The following GANAB variants were observed in gnomAD, a reference collection of about 807,000 sequenced individuals.
GANAB encodes the protein neutral alpha-glucosidase AB.
A neutral mutation model predicts 129.9 loss-of-function variants in GANAB; 35 were observed. That is an observed-to-expected ratio of 0.27 (90% CI 0.21 to 0.36). The LOEUF is 0.36. GANAB is among the 10% of genes least tolerant of loss of function. The pLI, the probability that GANAB is intolerant of heterozygous loss-of-function variation, is 1.00. For synonymous variants in GANAB, 482 were observed against 451.8 expected, an observed-to-expected ratio of 1.07 and a Z score of -0.85; for missense variants, 939 against 1,221.0, an observed-to-expected ratio of 0.77 and a Z score of 3.44.
Position 62,630,369 on chromosome 11 carries a change from G to C in GANAB, c.1513+10C>G, listed in dbSNP as rs373001087. On this transcript the variant is annotated intron_variant, in intron 12 of 23. Transcript: ENST00000356638. ...CCAATCAACTCTCCCTCAATTCTGG[G>C]TCTGCTTACCTGGCCAGCACCAGCC... The C allele has an allele frequency of 1.9e-6, 3 of 1,613,972 alleles. No homozygotes were observed. The African/African-American group carries it at 4.0e-5, about 22-fold the overall frequency.
At chr11:62,639,773 T>C in intron 1 of GANAB, 42 bp from the exon 2 acceptor site, 1 of 1,358,234 alleles carries the variant, frequency 7.4e-7, no homozygotes, top group Non-Finnish European at 1.1e-6. Context: ...AGCATGGAGG[T>C]CAGAAGGGGC....
chr11:62,629,885 T>C lies in GANAB; in HGVS notation c.1666A>G (p.Met556Val). ...CCATAATGCTGGGCATCCTTGAGCA[T>C]GGTGACCTCAGGACCATTGAACACA... ...PSVFNGPEVT[M>V]LKDAQHYGGW... The change falls in exon 14 of 24, where the codon ATG (methionine) becomes GTG (valine). Residue 556 changes from methionine (M) to valine (V), a missense_variant. Coordinates refer to ENST00000356638, the MANE Select transcript of GANAB (RefSeq NM_198334.3). 5.0e-6 allele frequency: 8 copies of C among 1,614,090 alleles called. No homozygotes were observed. The highest frequency in any genetic ancestry group is 6.8e-6 in the Non-Finnish European group (8 of 1,179,942).
At chr11:62,638,191 T>C (rs1042860534) in intron 4 of GANAB, among the ~76,000 whole-genome samples, 5 of 152,326 alleles carry the variant, frequency 3.3e-5, no homozygotes, top group Admixed American at 2.6e-4. Context: ...TCTCACTCTG[T>C]CGCCCAGGCT....
rs553639164 is a variant in GANAB, at chr11:62,639,060, G to A, written c.303C>T (p.Phe101=). ...GCCGAGGCTCCAGCTCATCAATCCT[G>A]AACCGAGTCATGTTCTTTTGAAGCC... ...LQGLQKNMTR[F]RIDELEPRRP... Residue 101 remains phenylalanine (F), a synonymous_variant, in exon 4 of 24, where the codon TTC becomes TTT. Coordinates refer to ENST00000356638, the MANE Select transcript of GANAB (RefSeq NM_198334.3). 5.6e-6 allele frequency: 9 copies of A among 1,614,012 alleles called. No individual in the cohort carries two copies. The African/African-American group carries it at 8.0e-5, about 14-fold the overall frequency.
intron 5 of GANAB, chr11:62,634,567 GAC>G (rs1943848583): frequency 9.7e-6 from 6 of 617,370 alleles, no homozygotes; most frequent in Non-Finnish European, 1.7e-5. Flanking sequence ...GGAAGAAGGA[GAC>G]ACAGACCCAG....
chr11:62,631,044 T>C lies in GANAB; in HGVS notation c.1136A>G (p.Tyr379Cys). 1 of 1,603,324 alleles carries C rather than the reference T, an allele frequency of 6.2e-7. No homozygotes were observed. Among genetic ancestry groups the C allele is most frequent in the Non-Finnish European group, 8.5e-7 (1 of 1,170,966 alleles). ...GPSISDVFRQ[Y>C]ASLTGTQALP... ...AAACCATGTACCTGTGAGACTAGCA[T>C]ATTGCCGGAAAACATCAGAGATGGA... is the stretch of plus-strand genomic sequence containing the variant. The change falls in exon 10 of 24, where the codon TAT becomes TGT. Residue 379 changes from tyrosine to cysteine, a missense_variant. Physicochemically the swap from Tyr to Cys is radical, Grantham distance 194 (BLOSUM62 -2). Around this residue, in one of 5 missense-constraint regions of GANAB, gnomAD observed 220 missense variants for 295.9 expected, o/e 0.74. Coordinates refer to ENST00000356638, the MANE Select transcript of GANAB (RefSeq NM_198334.3).
chr11:62,640,754 A>C (rs1944214458), intron 1 of GANAB, among the ~76,000 whole-genome samples: 1 of 143,544 alleles, frequency 7.0e-6, no homozygotes, highest in Admixed American at 7.6e-5. Flanking sequence ...AATGGTGTGA[A>C]CCTGGGAGGT....
Position 62,640,017 on chromosome 11 carries a change from C to T in GANAB, c.39-286G>A, listed in dbSNP as rs561650295. 40 of 324,188 alleles carry T rather than the reference C, an allele frequency of 1.2e-4. 1 individual carries two copies. Among genetic ancestry groups the T allele is most frequent in the Non-Finnish European group, 7.6e-5 (13 of 170,032 alleles). 20.1% of individuals were successfully genotyped at this position (324,188 alleles called of 1,614,324 possible). On this transcript the variant is annotated intron_variant, in intron 1 of 23. Coordinates refer to ENST00000356638, the MANE Select transcript of GANAB (RefSeq NM_198334.3). ...TTGGGAGGCTGCGGCGGGCGGATCACGAGGTCAGGAGATCAAGACCATCCT... is the reference window on the plus strand; with the variant it reads ...TTGGGAGGCTGCGGCGGGCGGATCATGAGGTCAGGAGATCAAGACCATCCT...
chr11:62,637,573 G>A (rs1944000852), intron 4 of GANAB, among the ~76,000 whole-genome samples: 1 of 152,140 alleles, frequency 6.6e-6, no homozygotes, highest in Admixed American at 6.6e-5. Flanking sequence ...TGTACAAGAA[G>A]GTTCGTAGCA....
Position 62,639,405 on chromosome 11 carries a change from A to G in GANAB, c.206T>C (p.Leu69Pro). Residue 69 changes from leucine to proline, a missense_variant, in exon 3 of 24, where the codon CTT (leucine) becomes CCT (proline). This residue lies in a region of GANAB where 321 missense variants were observed against 329.1 expected (regional missense o/e 0.98). Coordinates refer to ENST00000356638, the MANE Select transcript of GANAB (RefSeq NM_198334.3). ...ATGGACCGTGAGGGAATCAGGACCA[A>G]GCTGTAGAGAGTCCAGCAAGGCTCG... ...PYRALLDSLQLGPDSLTVHLI... is the reference protein window; with the variant it reads ...PYRALLDSLQPGPDSLTVHLI... The G allele has an allele frequency of 6.2e-7, 1 of 1,613,638 alleles. No individual in the cohort carries two copies. Among genetic ancestry groups the G allele is most frequent in the Non-Finnish European group, 8.5e-7 (1 of 1,179,672 alleles).
At chr11:62,638,643 G>C (rs138034183) in intron 4 of GANAB, among the ~76,000 whole-genome samples, 2,285 of 111,044 alleles carry the variant, frequency 0.021, 50 homozygotes, top group African/African-American at 0.065. Flanking sequence ...AGGAAGGAAG[G>C]AAGCAAGCAA....
At position 62,629,026 on chromosome 11, in the gene GANAB, G is replaced by A. The variant is rs776793799; in HGVS notation, c.1937-14C>T. 1 of 1,609,566 alleles carries A rather than the reference G, an allele frequency of 6.2e-7. No individual in the cohort carries two copies. The highest frequency in any genetic ancestry group is 1.1e-5 in the South Asian group (1 of 91,036). ...CACCCACATCCGCTGGTAGAGGAGA[G>A]AGAGGAAGCAGGTTGGAAAAGAGGG... On this transcript the variant is annotated splice_polypyrimidine_tract_variant and intron_variant, in intron 16 of 23. Coordinates refer to ENST00000356638, the MANE Select transcript of GANAB (RefSeq NM_198334.3).
Position 62,625,086 on chromosome 11 carries a change from A to G in GANAB, c.*729T>C. 1 of 382,674 alleles carries G rather than the reference A, an allele frequency of 2.6e-6. No individual in the cohort carries two copies. Among genetic ancestry groups the G allele is most frequent in the South Asian group, 2.0e-5 (1 of 51,146 alleles). 23.7% of individuals were successfully genotyped at this position (382,674 alleles called of 1,614,324 possible). On this transcript the variant is annotated 3_prime_UTR_variant, in exon 24 of 24. Transcript: ENST00000356638. ...ATTTCTCCATCTTAAGTGCCCCTCA[A>G]AGGGGACAAGAAGGGGGCAAAAGAA...
chr11:62,633,497 G>A lies in GANAB; in HGVS notation c.578C>T (p.Pro193Leu), dbSNP rs1943790788. The change falls in exon 6 of 24, where the codon CCA becomes CTA. Residue 193 changes from proline to leucine, a missense_variant. Around this residue, in one of 5 missense-constraint regions of GANAB, gnomAD observed 321 missense variants for 329.1 expected, o/e 0.98. Transcript: ENST00000356638. ...AGGCTGGGCCCCATCGCCCTCAGCTGGGTCTTTTGATCCTTGCCTGGAAGG... is the reference window on the plus strand; with the variant it reads ...AGGCTGGGCCCCATCGCCCTCAGCTAGGTCTTTTGATCCTTGCCTGGAAGG... ...APRVSQGSKDPAEGDGAQPEE... is the reference protein window; with the variant it reads ...APRVSQGSKDLAEGDGAQPEE... The A allele has an allele frequency of 6.2e-7, 1 of 1,613,790 alleles. No individual in the cohort carries two copies. Among genetic ancestry groups the A allele is most frequent in the African/African-American group, 1.3e-5 (1 of 74,894 alleles).
At chr11:62,639,338 C>T in intron 3 of GANAB, 21 bp downstream of exon 3, 1 of 1,517,296 alleles carries the variant, frequency 6.6e-7, no homozygotes, top group Non-Finnish European at 9.2e-7. Flanking sequence ...CCCCACCAGA[C>T]TCTTCCTTGT....
intron 9 of GANAB, among the ~76,000 whole-genome samples, chr11:62,632,070 T>C (rs1408170263): frequency 6.6e-6 from 1 of 152,034 alleles, no homozygotes; most frequent in Non-Finnish European, 1.5e-5. Flanking sequence ...ACCAACCAGA[T>C]TCATGCAATT....
chr11:62,628,132 G>C (rs1943486046), intron 17 of GANAB, among the ~76,000 whole-genome samples: 1 of 150,534 alleles, frequency 6.6e-6, no homozygotes, highest in African/African-American at 2.4e-5. Flanking sequence ...CCCTCTGCTT[G>C]GAAGATTCTT....
chr11:62,630,416 G>T lies in GANAB; in HGVS notation c.1476C>A (p.Thr492=). The T allele has an allele frequency of 6.2e-7, 1 of 1,614,178 alleles. No individual in the cohort carries two copies. Among genetic ancestry groups the T allele is most frequent in the Non-Finnish European group, 8.5e-7 (1 of 1,180,038 alleles). The change falls in exon 12 of 24, where the codon ACC becomes ACA. Residue 492 remains threonine (T), a synonymous_variant. Transcript: ENST00000356638. ...AGCCCTCATAGTCAGAGCCATCCCG[G>T]GTTTTAACATACAGCCCCAGGTTCC... ...ELRNLGLYVK[T]RDGSDYEGWC... is the part of the protein sequence containing the mutation.
chr11:62,645,319 G>C lies in GANAB; in HGVS notation c.38+1243C>G, dbSNP rs551181836. Among the ~76,000 whole-genome samples the C allele has an allele frequency of 1.1e-4, 17 of 152,226 alleles. No individual in the cohort carries two copies. In the South Asian group the frequency reaches 3.1e-3, roughly 28 times the overall value. On this transcript the variant is annotated intron_variant, in intron 1 of 23. Transcript: ENST00000356638. ...TGGGAGGCCGAGGCGGGTGGATCAC[G>C]AGGTCAAGAGATCGAGATCATCCTC...
Sources: gnomAD v4.1 joint callset for allele counts (sites outside exome capture counted in the v4.1 genomes callset) on GRCh38, gnomAD v4.1.1 for gene constraint, gnomAD v4.1.1 regional missense constraint, MANE v1.5 for transcripts, NCBI Gene and HGNC (gene_info 2026-07-23, HGNC 2026-07-21) for gene names.